Variants in ERCC6L observed in about 807,000 individuals in gnomAD.
ERCC6L encodes the protein DNA excision repair protein ERCC-6-like.
A neutral mutation model predicts 20.1 loss-of-function variants in ERCC6L; 7 were observed. That is an observed-to-expected ratio of 0.35 (90% CI 0.20 to 0.65). The LOEUF (loss-of-function observed/expected upper bound fraction) is 0.65, where lower values mean the gene tolerates loss of function less well. ERCC6L is among the 30% of genes least tolerant of loss of function. ERCC6L has a pLI of 0.69. For missense variants in ERCC6L, 592 were observed against 892.4 expected (o/e 0.66, Z 4.29); for synonymous variants, 278 against 331.3 (o/e 0.84, Z 1.75).
At chrX:72,223,837 C>T (rs2042939678) in intron 1 of ERCC6L, among the ~76,000 whole-genome samples, 1 of 111,766 alleles carries the variant, frequency 8.9e-6, no homozygotes, top group South Asian at 3.7e-4. Flanking sequence ...TGAAGTGCCA[C>T]ATCAGGGTTC....
chrX:72,230,208 A>C (rs996064538), intron 1 of ERCC6L, among the ~76,000 whole-genome samples: 1 of 110,354 alleles, frequency 9.1e-6, no homozygotes, highest in Non-Finnish European at 1.9e-5. Context: ...AGAATAAAGG[A>C]TTGATCAGGC....
At chrX:72,236,359 C>T (rs748989120) in intron 1 of ERCC6L, among the ~76,000 whole-genome samples, 1 of 111,250 alleles carries the variant, frequency 9.0e-6, no homozygotes, top group African/African-American at 3.3e-5. Context: ...AGTGCAGTGG[C>T]GCCATCTCAG....
At chrX:72,217,885 A>G (rs1430187942) in intron 1 of ERCC6L, among the ~76,000 whole-genome samples, 1 of 111,894 alleles carries the variant, frequency 8.9e-6, no homozygotes, top group Non-Finnish European at 1.9e-5. Context: ...TGCAAGTACC[A>G]CACTGTCTTG....
chrX:72,225,609 G>A (rs760645591), intron 1 of ERCC6L, among the ~76,000 whole-genome samples: 16 of 111,762 alleles, frequency 1.4e-4, no homozygotes, highest in African/African-American at 5.2e-4. Flanking sequence ...TTCTTTCCTC[G>A]GATTAGTGGG....
At position 72,206,756 on chromosome X, in the gene ERCC6L, T is replaced by G. The variant is rs372955235; in HGVS notation, c.2011A>C (p.Ile671Leu). 2.8e-5 allele frequency: 34 copies of G among 1,209,445 alleles called. No homozygotes were observed. The highest frequency in any genetic ancestry group is 3.7e-5 in the Non-Finnish European group (33 of 895,133). The part of the protein sequence containing the change: ...AYLQSLGIAG[I>L]SDHDLMYTCD... ...GTGTACATCAAATCATGGTCTGAGA[T>G]TCCAGCTATCCCCAAAGACTGCAGG... Residue 671 changes from isoleucine to leucine, a missense_variant, in exon 2 of 2, where the codon ATC (isoleucine) becomes CTC (leucine). Physicochemically the swap from Ile to Leu is conservative, Grantham distance 5. Coordinates refer to ENST00000334463, the MANE Select transcript of ERCC6L (RefSeq NM_017669.4).
At position 72,205,794 on chromosome X, in the gene ERCC6L, C is replaced by T. The variant is rs1292177416; in HGVS notation, c.2973G>A (p.Gly991=). 5 of 1,210,459 alleles carry T rather than the reference C, an allele frequency of 4.1e-6. No homozygotes were observed. Among genetic ancestry groups the T allele is most frequent in the African/African-American group, 1.7e-5 (1 of 57,378 alleles). ...LCGSAPNSRA[G]FVHSKTCLSW... is the part of the protein sequence containing the mutation. ...TGAGACATGTTTTGCTATGCACAAA[C>T]CCTGCTCTGGAATTAGGTGCAGAGC... The change falls in exon 2 of 2, where the codon GGG becomes GGA. Residue 991 remains glycine (G), a synonymous_variant. Coordinates refer to ENST00000334463, the MANE Select transcript of ERCC6L (RefSeq NM_017669.4).
At position 72,207,670 on chromosome X, in the gene ERCC6L, T is replaced by C; in HGVS notation, c.1097A>G (p.Asp366Gly). Residue 366 changes from aspartate (D) to glycine (G), a missense_variant, in exon 2 of 2, where the codon GAT (aspartate) becomes GGT (glycine). By Grantham distance (94) the Asp-to-Gly change is moderately conservative. Around this residue, in one of 3 missense-constraint regions of ERCC6L, gnomAD observed 196 missense variants for 440.1 expected, o/e 0.45. Coordinates refer to ENST00000334463, the MANE Select transcript of ERCC6L (RefSeq NM_017669.4). ...CACAAGTCGTATCCAAATAATTAAA[T>C]CATTTTTCCTGGAAAGGGAAGGCAT... ...CEMPSLSRKN[D>G]LIIWIRLVPL... The C allele has an allele frequency of 1.7e-6, 2 of 1,210,104 alleles. No homozygotes were observed. The highest frequency in any genetic ancestry group is 2.2e-6 in the Non-Finnish European group (2 of 894,786).
chrX:72,232,267 G>A (rs5912146), intron 1 of ERCC6L, among the ~76,000 whole-genome samples: 2,422 of 78,995 alleles, frequency 0.031, 52 homozygotes, highest in South Asian at 0.057. Context: ...CCCAAGGAAG[G>A]AGTATTAAAA....
In ERCC6L at chrX:72,208,110, C is replaced by T; in HGVS notation, c.657G>A (p.Glu219=). ...WQQLSSFRGQ[E]FVWDYVILDE... ...CGAGGATGACATAGTCCCACACAAA[C>T]TCTTGGCCCCTAAAGCTTGAAAGTT... Residue 219 remains glutamate (E), a synonymous_variant, in exon 2 of 2, where the codon GAG becomes GAA. Transcript: ENST00000334463. The T allele has an allele frequency of 3.3e-6, 4 of 1,211,665 alleles. No individual in the cohort carries two copies. The highest frequency in any genetic ancestry group is 4.5e-6 in the Non-Finnish European group (4 of 895,474).
chrX:72,207,234 A>G lies in ERCC6L; in HGVS notation c.1533T>C (p.Thr511=). The G allele has an allele frequency of 8.3e-7, 1 of 1,211,912 alleles. No individual in the cohort carries two copies. The highest frequency in any genetic ancestry group is 1.1e-6 in the Non-Finnish European group (1 of 895,523). ...TTCTTTTTTCTCGTTCCAAAAGATG[A>G]GTAACTGTCCCATCGATTCGCAATG... ...FKTLRIDGTV[T]HLLEREKRIN... is the part of the protein sequence containing the mutation. Residue 511 remains threonine, a synonymous_variant, in exon 2 of 2, where the codon ACT becomes ACC. Transcript: ENST00000334463.
At chrX:72,219,750 G>A (rs1406030519) in intron 1 of ERCC6L, among the ~76,000 whole-genome samples, 1 of 108,492 alleles carries the variant, frequency 9.2e-6, no homozygotes, top group East Asian at 2.9e-4. Context: ...TCAGGAGGCT[G>A]AGGCAGGAGA....
At chrX:72,232,416 CAAA>C (rs11302655) in intron 1 of ERCC6L, among the ~76,000 whole-genome samples, 4 of 35,074 alleles carry the variant, frequency 1.1e-4, no homozygotes, top group Admixed American at 3.6e-4. Context: ...AGACCTGCCT[CAAA>C]AAAAAAAAAA....
chrX:72,211,145 G>T (rs2042851770), intron 1 of ERCC6L, among the ~76,000 whole-genome samples: 1 of 111,677 alleles, frequency 9.0e-6, no homozygotes, highest in African/African-American at 3.3e-5. Context: ...TATTGCTAAT[G>T]TAATGATTTA....
In ERCC6L at chrX:72,205,160, G is replaced by A. The variant is rs1354777511; in HGVS notation, c.3607C>T (p.Leu1203Phe). The A allele has an allele frequency of 1.7e-6, 2 of 1,211,642 alleles. No homozygotes were observed. The highest frequency in any genetic ancestry group is 1.1e-6 in the Non-Finnish European group (1 of 895,500). Residue 1203 changes from leucine to phenylalanine, a missense_variant, in exon 2 of 2, where the codon CTT (leucine) becomes TTT (phenylalanine). Around this residue, in one of 3 missense-constraint regions of ERCC6L, gnomAD observed 352 missense variants for 402.6 expected, o/e 0.87. Transcript: ENST00000334463. ...AAEATNDYET[L>F]VKRGKELKEC... The stretch of plus-strand genomic sequence containing the variant: ...TTTAGTTCTTTTCCACGCTTTACAA[G>A]AGTCTCATAGTCATTTGTAGCCTCT...
At chrX:72,225,774 G>A (rs2042950246) in intron 1 of ERCC6L, among the ~76,000 whole-genome samples, 1 of 110,926 alleles carries the variant, frequency 9.0e-6, no homozygotes, top group Non-Finnish European at 1.9e-5. Flanking sequence ...CCCTGCTCTA[G>A]GCCTTCCAAA....
At chrX:72,237,466 C>T (rs919382781) in intron 1 of ERCC6L, among the ~76,000 whole-genome samples, 19 of 111,338 alleles carry the variant, frequency 1.7e-4, no homozygotes, top group African/African-American at 5.9e-4. Flanking sequence ...GGTGTGTTAG[C>T]GGGCGCCTGT....
At chrX:72,238,592 C>G (rs185438678) in intron 1 of ERCC6L, among the ~76,000 whole-genome samples, 4 of 112,676 alleles carry the variant, frequency 3.6e-5, no homozygotes, top group East Asian at 5.6e-4. Context: ...AATTAAGGCT[C>G]CTCTGGCTTT....
chrX:72,214,677 A>C (rs1226275263), intron 1 of ERCC6L, among the ~76,000 whole-genome samples: 1 of 100,184 alleles, frequency 1.0e-5, no homozygotes, highest in African/African-American at 3.7e-5. Flanking sequence ...CATCTCAAAA[A>C]AAAAAAAAAA....
At chrX:72,238,652 G>A (rs1481830004) in intron 1 of ERCC6L, among the ~76,000 whole-genome samples, 192 bp downstream of exon 1, 8 of 112,615 alleles carry the variant, frequency 7.1e-5, no homozygotes. Context: ...AGGCATCGGG[G>A]TCTCCTCAGG....
Sources: gnomAD v4.1 joint callset for allele counts (sites outside exome capture counted in the v4.1 genomes callset) on GRCh38, gnomAD v4.1.1 for gene constraint, gnomAD v4.1.1 regional missense constraint, MANE v1.5 for transcripts, NCBI Gene and HGNC (gene_info 2026-07-23, HGNC 2026-07-21) for gene names.